Variants in GIPC2 observed in about 807,000 individuals in gnomAD.
GIPC2 encodes PDZ domain-containing protein GIPC2.
GIPC2 carries 30 observed loss-of-function variants against 30.6 expected under a neutral mutation model. That is an observed-to-expected ratio of 0.98 (90% confidence interval 0.73 to 1.33). GIPC2 has a LOEUF of 1.33. Ranked by LOEUF, GIPC2 falls within the 40% of genes most tolerant of loss-of-function variation. The probability of loss-of-function intolerance (pLI) is 0.00; values close to 1 mark genes in which losing one functional copy is unlikely to be tolerated. For synonymous variants in GIPC2, 167 were observed against 150.0 expected, an observed-to-expected ratio of 1.11 and a Z score of -0.83; for missense variants, 414 against 390.3, an observed-to-expected ratio of 1.06 and a Z score of -0.51.
At chr1:78,071,610 T>C (rs1421138353) in intron 1 of GIPC2, among the ~76,000 whole-genome samples, 1 of 151,864 alleles carries the variant, frequency 6.6e-6, no homozygotes, top group African/African-American at 2.4e-5. Context: ...TCTTTTTTTT[T>C]TTCTTTAAGA....
rs1034873113 is a variant in GIPC2 at position 78,136,583 on chromosome 1, T to G, written c.*840T>G. On this transcript the variant is annotated 3_prime_UTR_variant, in exon 6 of 6. Coordinates refer to ENST00000370759, the MANE Select transcript of GIPC2 (RefSeq NM_017655.6). Reference sequence around the variant, plus strand: ...TTTGTAGAGTTTTTGGAAAGATATTTACTCAAAATAACTATGCTTTAGAAC... The same window carrying G: ...TTTGTAGAGTTTTTGGAAAGATATTGACTCAAAATAACTATGCTTTAGAAC... 1 of 149,758 alleles carries G rather than the reference T, an allele frequency of 6.7e-6. No individual in the cohort carries two copies. The highest frequency in any genetic ancestry group is 2.4e-5 in the African/African-American group (1 of 40,854). 9.3% of individuals were successfully genotyped at this position (149,758 alleles called of 1,614,324 possible). A position where few individuals can be genotyped will look rare whatever the true frequency, so the allele number is the denominator to read the frequency against.
chr1:78,057,311 G>A (rs551904066), intron 1 of GIPC2, among the ~76,000 whole-genome samples: 41 of 152,234 alleles, frequency 2.7e-4, no homozygotes, highest in African/African-American at 8.2e-4. Context: ...CTATCTGTGA[G>A]CCCTTCATCC....
In GIPC2 at chr1:78,101,998, C is replaced by T. The variant is rs375212946; in HGVS notation, c.607+6866C>T. 4.6e-5 allele frequency among the ~76,000 whole-genome samples: 7 copies of T among 152,230 alleles called. No homozygotes were observed. In the South Asian group the frequency reaches 6.2e-4, roughly 14 times the overall value. On this transcript the variant is annotated intron_variant, in intron 3 of 5. Transcript: ENST00000370759. ...GATTTGGTTTTACTTAAATGAGTCT[C>T]GACTTCATTTATCCTGCAAATTTCC... is the stretch of plus-strand genomic sequence containing the variant.
At chr1:78,107,696 G>A (rs189205945) in intron 3 of GIPC2, among the ~76,000 whole-genome samples, 57 of 151,628 alleles carry the variant, frequency 3.8e-4, no homozygotes, top group Non-Finnish European at 7.1e-4. Context: ...ATGGTGGCAC[G>A]CACCTGTAAT....
intron 3 of GIPC2, among the ~76,000 whole-genome samples, chr1:78,108,927 G>A (rs1428088632): frequency 6.6e-6 from 1 of 152,130 alleles, no homozygotes; most frequent in Non-Finnish European, 1.5e-5. Context: ...AAGCAGAAAC[G>A]GGAATTGTAC....
intron 3 of GIPC2, among the ~76,000 whole-genome samples, chr1:78,114,019 A>G (rs1310770403): frequency 6.6e-6 from 1 of 152,212 alleles, no homozygotes; most frequent in Non-Finnish European, 1.5e-5. Flanking sequence ...AACAGATACA[A>G]TTGCCACAAA....
chr1:78,106,059 T>C (rs1477942327), intron 3 of GIPC2, among the ~76,000 whole-genome samples: 2 of 147,942 alleles, frequency 1.4e-5, no homozygotes, highest in Admixed American at 1.4e-4. Flanking sequence ...TATGGTGAAA[T>C]CCCCTCTCTA....
intron 1 of GIPC2, among the ~76,000 whole-genome samples, chr1:78,050,855 C>T (rs140568546): frequency 0.028 from 4,218 of 152,054 alleles, 154 homozygotes; most frequent in African/African-American, 0.097. Context: ...AGGATTGTCT[C>T]GATCTCCTGA....
intron 3 of GIPC2, among the ~76,000 whole-genome samples, chr1:78,100,577 A>T (rs1662223439): frequency 6.6e-6 from 1 of 152,140 alleles, no homozygotes; most frequent in African/African-American, 2.4e-5. Context: ...ATAGGAAAGA[A>T]ATTATAAATA....
intron 1 of GIPC2, among the ~76,000 whole-genome samples, chr1:78,074,394 T>A (rs1405450011): frequency 1.3e-5 from 2 of 152,244 alleles, no homozygotes; most frequent in African/African-American, 4.8e-5. Context: ...ATTATTTTTT[T>A]ATTTTATTTT....
chr1:78,116,503 G>A (rs1207363057), intron 3 of GIPC2, among the ~76,000 whole-genome samples: 6 of 141,754 alleles, frequency 4.2e-5, no homozygotes, highest in East Asian at 2.1e-4. Context: ...TATCCCTCCC[G>A]CCTCCCCCCA....
intron 1 of GIPC2, among the ~76,000 whole-genome samples, chr1:78,046,567 C>G (rs955477770): frequency 1.3e-5 from 2 of 152,136 alleles, no homozygotes; most frequent in Non-Finnish European, 2.9e-5. Flanking sequence ...GAGATCTGGC[C>G]TTTGGGAAGC....
Position 78,046,177 on chromosome 1 carries a change from G to T in GIPC2, c.83G>T (p.Gly28Val). ...GTGGAGGGCGAGCCGACGGGCGCGG[G>T]CGGCGGGAGCCTCTCAGCGTCCCGG... is the stretch of plus-strand genomic sequence containing the variant. ...GLVEGEPTGA[G>V]GGSLSASRAP... Residue 28 changes from glycine to valine, a missense_variant, in exon 1 of 6, where the codon GGC becomes GTC. Transcript: ENST00000370759. The T allele has an allele frequency of 6.4e-7, 1 of 1,566,954 alleles. No individual in the cohort carries two copies. Among genetic ancestry groups the T allele is most frequent in the East Asian group, 2.4e-5 (1 of 41,324 alleles).
rs759084482 is a variant in GIPC2 at position 78,119,525 on chromosome 1, T to A, written c.714+26T>A. The A allele has an allele frequency of 4.4e-6, 6 of 1,356,188 alleles. No individual in the cohort carries two copies. In the South Asian group the frequency reaches 7.2e-5, roughly 16 times the overall value. 84.0% of individuals were successfully genotyped at this position (1,356,188 alleles called of 1,614,324 possible). ...GTATGTTATGTTCATTTACTTCCTG[T>A]TCTGCTTGGAAATGTTGAGTTAGAT... On this transcript the variant is annotated intron_variant, in intron 4 of 5. Transcript: ENST00000370759.
intron 3 of GIPC2, among the ~76,000 whole-genome samples, chr1:78,100,654 G>T (rs552471064): frequency 1.3e-5 from 2 of 152,276 alleles, no homozygotes; most frequent in Non-Finnish European, 2.9e-5. Context: ...AAAGGGCTGG[G>T]TGCGGTGGTT....
intron 3 of GIPC2, among the ~76,000 whole-genome samples, chr1:78,097,985 A>G (rs549267742): frequency 1.3e-5 from 2 of 152,310 alleles, no homozygotes; most frequent in East Asian, 3.9e-4. Context: ...ACATAACATG[A>G]AGGGATAAAT....
At chr1:78,107,700 C>T (rs1331407378) in intron 3 of GIPC2, among the ~76,000 whole-genome samples, 1 of 151,586 alleles carries the variant, frequency 6.6e-6, no homozygotes, top group Non-Finnish European at 1.5e-5. Flanking sequence ...TGGCACGCAC[C>T]TGTAATTCCA....
intron 1 of GIPC2, among the ~76,000 whole-genome samples, chr1:78,070,916 G>A (rs1312296687): frequency 5.9e-5 from 9 of 152,080 alleles, no homozygotes; most frequent in Non-Finnish European, 5.9e-5. Context: ...CTGACCCAGG[G>A]CAGCTAATTT....
chr1:78,110,505 C>T (rs1218292299), intron 3 of GIPC2, among the ~76,000 whole-genome samples: 1 of 152,210 alleles, frequency 6.6e-6, no homozygotes, highest in East Asian at 1.9e-4. Context: ...GAGAATTGTC[C>T]TTAATGCCAA....
Sources: gnomAD v4.1 joint callset for allele counts (sites outside exome capture counted in the v4.1 genomes callset) on GRCh38, gnomAD v4.1.1 for gene constraint, MANE v1.5 for transcripts, NCBI Gene and HGNC (gene_info 2026-07-23, HGNC 2026-07-21) for gene names.